CLIP2: variants seen among roughly 807,000 people sequenced by gnomAD.
The protein encoded by CLIP2 is CAP-Gly domain-containing linker protein 2.
Under a neutral mutation model 111.7 loss-of-function variants are expected in CLIP2, and 41 were observed. The observed-to-expected ratio is 0.37, with a 90% CI of 0.29 to 0.48. The LOEUF (loss-of-function observed/expected upper bound fraction) is 0.48, where lower values mean the gene tolerates loss of function less well. Ranked by LOEUF, CLIP2 falls within the 20% of genes least tolerant of loss-of-function variation. The probability of loss-of-function intolerance (pLI) is 0.99; values close to 1 mark genes in which losing one functional copy is unlikely to be tolerated. For synonymous variants in CLIP2, 660 were observed against 644.2 expected (o/e 1.02, Z -0.37); for missense variants, 1,160 against 1,422.1 (o/e 0.82, Z 2.96).
At chr7:74,348,369 A>G (rs1466448931) in intron 3 of CLIP2, among the ~76,000 whole-genome samples, 1 of 152,086 alleles carries the variant, frequency 6.6e-6, no homozygotes, top group Non-Finnish European at 1.5e-5. Context: ...AAAGCACCTC[A>G]TTGTGGCTGG....
intron 10 of CLIP2, among the ~76,000 whole-genome samples, chr7:74,378,172 G>T (rs1034670902): frequency 6.6e-6 from 1 of 151,246 alleles, no homozygotes; most frequent in Non-Finnish European, 1.5e-5. Context: ...CTGTCTCCCA[G>T]GCTGGAGTGC....
intron 1 of CLIP2, among the ~76,000 whole-genome samples, chr7:74,302,551 G>A (rs1788369106): frequency 6.6e-6 from 1 of 152,086 alleles, no homozygotes; most frequent in African/African-American, 2.4e-5. Context: ...GAGAAAGGTA[G>A]CATGTGGGAC....
At chr7:74,342,962 G>A (rs1449980912) in intron 3 of CLIP2, among the ~76,000 whole-genome samples, 5 of 151,650 alleles carry the variant, frequency 3.3e-5, no homozygotes, top group Non-Finnish European at 7.4e-5. Flanking sequence ...GTGAACCTGG[G>A]AGGCGGAGCT....
chr7:74,368,759 T>G (rs912904420), intron 8 of CLIP2, among the ~76,000 whole-genome samples: 3 of 152,148 alleles, frequency 2.0e-5, no homozygotes, highest in African/African-American at 7.2e-5. Context: ...TGTTGGAAAT[T>G]TTTAAGCCTA....
intron 13 of CLIP2, among the ~76,000 whole-genome samples, chr7:74,395,968 AAGG>A (rs1459595672): frequency 3.3e-5 from 5 of 152,194 alleles, no homozygotes; most frequent in South Asian, 2.1e-4. Flanking sequence ...TCATAGCAGA[AAGG>A]AGGAGGAAAG....
At chr7:74,365,958 T>C (rs1584364625) in intron 8 of CLIP2, among the ~76,000 whole-genome samples, 1 of 152,186 alleles carries the variant, frequency 6.6e-6, no homozygotes, top group East Asian at 1.9e-4. Context: ...GGTCTCACTA[T>C]GTTGCCCAGG....
At chr7:74,371,471 A>G (rs1554311834) in intron 8 of CLIP2, among the ~76,000 whole-genome samples, 1 of 139,868 alleles carries the variant, frequency 7.1e-6, no homozygotes, top group East Asian at 2.5e-4. Context: ...TGGAAGAGAC[A>G]TGCTGACTTC....
chr7:74,336,894 T>G (rs1305766807), intron 2 of CLIP2, among the ~76,000 whole-genome samples: 1 of 106,060 alleles, frequency 9.4e-6, no homozygotes. Flanking sequence ...TGTTTTGTTT[T>G]TTTTTTTTTG....
At chr7:74,344,015 G>A (rs986219005) in intron 3 of CLIP2, among the ~76,000 whole-genome samples, 9 of 152,208 alleles carry the variant, frequency 5.9e-5, no homozygotes, top group African/African-American at 2.2e-4. Flanking sequence ...CTGGGCATGG[G>A]CCTGTGACCC....
At chr7:74,389,521 C>A in intron 13 of CLIP2, 1 of 257,538 alleles carries the variant, frequency 3.9e-6, no homozygotes, top group Non-Finnish European at 7.1e-6. Flanking sequence ...CTTTGGGAGG[C>A]TGAGGCAGGA....
intron 3 of CLIP2, among the ~76,000 whole-genome samples, chr7:74,345,862 G>A (rs1387844398): frequency 6.6e-6 from 1 of 152,058 alleles, no homozygotes; most frequent in Non-Finnish European, 1.5e-5. Context: ...AAGCAAGAGA[G>A]AGAGAGAGAA....
intron 7 of CLIP2, among the ~76,000 whole-genome samples, chr7:74,362,137 C>T (rs1344684897): frequency 2.0e-5 from 3 of 152,154 alleles, no homozygotes; most frequent in Non-Finnish European, 2.9e-5. Context: ...GGACCCATCT[C>T]CCCTGCAGCC....
chr7:74,387,807 G>A (rs781835282), intron 12 of CLIP2, among the ~76,000 whole-genome samples: 3 of 152,194 alleles, frequency 2.0e-5, no homozygotes, highest in South Asian at 2.1e-4. Flanking sequence ...TGTGCTTGGC[G>A]AGGATTGATC....
chr7:74,311,917 T>TAAAAAAAAAAAAAAAAAAAAAAA (rs1306557485), intron 1 of CLIP2, among the ~76,000 whole-genome samples: 1 of 49,740 alleles, frequency 2.0e-5, no homozygotes. Flanking sequence ...ATCTCAAGAA[T>TAAAAAAAAAAAAAAAAAAAAAAA]AAAAAAAAAA....
At chr7:74,385,122 CAA>C (rs71094780) in intron 11 of CLIP2, among the ~76,000 whole-genome samples, 8 of 51,602 alleles carry the variant, frequency 1.6e-4, no homozygotes, top group Admixed American at 2.6e-4. Flanking sequence ...ATTAAAAATA[CAA>C]AAAAAAAAAA....
intron 3 of CLIP2, among the ~76,000 whole-genome samples, chr7:74,345,157 A>T (rs1554306034): frequency 1.3e-5 from 2 of 152,144 alleles, no homozygotes; most frequent in African/African-American, 2.4e-5. Flanking sequence ...GTGGGACAGG[A>T]GCTAGTTTTA....
In CLIP2 at chr7:74,376,526, G is replaced by A. The variant is rs782047751; in HGVS notation, c.2125G>A (p.Val709Met). 2 of 1,603,160 alleles carry A rather than the reference G, an allele frequency of 1.2e-6. No individual in the cohort carries two copies. Among genetic ancestry groups the A allele is most frequent in the South Asian group, 1.1e-5 (1 of 90,314 alleles). The part of the protein sequence containing the change: ...LQRHWRAQLE[V>M]QASQHRLELQ... ...GCGGCACTGGCGGGCCCAGCTGGAGGTGCAAGCCAGCCAGCACCGGCTGGA... is the reference window on the plus strand; with the variant it reads ...GCGGCACTGGCGGGCCCAGCTGGAGATGCAAGCCAGCCAGCACCGGCTGGA... Residue 709 changes from valine (V) to methionine (M), a missense_variant, in exon 10 of 17, where the codon GTG becomes ATG. Val to Met is a conservative substitution (Grantham distance 21, BLOSUM62 1). Transcript: ENST00000223398. The surrounding 1 kb of genome is among the most constrained non-coding windows in gnomAD (Gnocchi z 7.1).
intron 11 of CLIP2, among the ~76,000 whole-genome samples, chr7:74,385,792 G>T (rs552619972): frequency 6.7e-6 from 1 of 149,350 alleles, no homozygotes; most frequent in Non-Finnish European, 1.5e-5. Context: ...GCCCAGGCTG[G>T]AGTGCGATGG....
At chr7:74,362,213 G>A (rs1790347745) in intron 7 of CLIP2, among the ~76,000 whole-genome samples, 1 of 152,108 alleles carries the variant, frequency 6.6e-6, no homozygotes, top group African/African-American at 2.4e-5. Context: ...CTCCTTGTAG[G>A]ACACAAAGCT....
Sources: allele counts gnomAD v4.1 joint callset (sites outside exome capture counted in the v4.1 genomes callset), GRCh38; gene constraint gnomAD v4.1.1; non-coding constraint Gnocchi (gnomAD v3.1); transcripts MANE v1.5; gene names NCBI Gene and HGNC (gene_info 2026-07-23, HGNC 2026-07-21).